UBE2E1: variants seen among roughly 807,000 people sequenced by gnomAD.
UBE2E1 encodes the protein ubiquitin conjugating enzyme E2 E1.
In UBE2E1, 6 loss-of-function variants were observed where a neutral mutation model predicts 21.4. The observed-to-expected ratio is 0.28, with a 90% CI of 0.15 to 0.55. The LOEUF is 0.55. UBE2E1 is among the 20% of genes least tolerant of loss of function. The probability of loss-of-function intolerance (pLI) is 0.93; values close to 1 mark genes in which losing one functional copy is unlikely to be tolerated. For synonymous variants in UBE2E1, 87 were observed against 82.7 expected, an observed-to-expected ratio of 1.05 and a Z score of -0.28; for missense variants, 142 against 236.5, an observed-to-expected ratio of 0.60 and a Z score of 2.62.
At chr3:23,843,346 C>A (rs1336399376) in intron 3 of UBE2E1, among the ~76,000 whole-genome samples, 2 of 152,154 alleles carry the variant, frequency 1.3e-5, no homozygotes, top group Admixed American at 1.3e-4. Context: ...CGGAACTGTG[C>A]ACAATGTTTT....
intron 5 of UBE2E1, 66 bp from the exon 6 acceptor site, chr3:23,890,443 A>G (rs1559497829): frequency 6.7e-7 from 1 of 1,501,168 alleles, no homozygotes; most frequent in Non-Finnish European, 9.1e-7. Flanking sequence ...CCAAGCTGTC[A>G]CTATTCGCTA....
At chr3:23,817,869 A>G (rs138864870) in intron 3 of UBE2E1, among the ~76,000 whole-genome samples, 157 of 152,314 alleles carry the variant, frequency 1.0e-3, no homozygotes, top group South Asian at 2.5e-3. Context: ...TTTAAATTTT[A>G]TTATGTAGAT....
intron 3 of UBE2E1, among the ~76,000 whole-genome samples, chr3:23,827,211 T>G (rs1252959597): frequency 1.3e-5 from 2 of 152,120 alleles, no homozygotes; most frequent in East Asian, 3.8e-4. Context: ...AAATCCTGTA[T>G]TTTATATTTT....
chr3:23,820,941 A>G (rs1043877381), intron 3 of UBE2E1, among the ~76,000 whole-genome samples: 2 of 152,234 alleles, frequency 1.3e-5, no homozygotes, highest in African/African-American at 4.8e-5. Flanking sequence ...TAAATAGAGT[A>G]ACTTGGGATG....
intron 3 of UBE2E1, among the ~76,000 whole-genome samples, chr3:23,831,628 C>T (rs1314481753): frequency 2.6e-5 from 4 of 150,982 alleles, no homozygotes; most frequent in Non-Finnish European, 5.9e-5. Flanking sequence ...GTGATCCCCT[C>T]CCACCTTAGC....
At position 23,808,852 on chromosome 3, in the gene UBE2E1, T is replaced by C. The variant is rs1699329454; in HGVS notation, c.152+1431T>C. The C allele has an allele frequency of 6.6e-6, 1 of 152,250 alleles. No individual in the cohort carries two copies. The highest frequency in any genetic ancestry group is 6.5e-5 in the Admixed American group (1 of 15,288). 9.4% of individuals were successfully genotyped at this position (152,250 alleles called of 1,614,324 possible). The stretch of plus-strand genomic sequence containing the variant: ...AATCCTCTAGGCTCTCTGATCCTCA[T>C]TCACGTTTTGGCCTCACGTGCTCAA... On this transcript the variant is annotated intron_variant, in intron 2 of 5. Coordinates refer to ENST00000306627, the MANE Select transcript of UBE2E1 (RefSeq NM_003341.5). The surrounding 1 kb of genome is among the most constrained non-coding windows in gnomAD (Gnocchi z 4.9).
At chr3:23,839,192 G>A (rs922119644) in intron 3 of UBE2E1, among the ~76,000 whole-genome samples, 5 of 151,928 alleles carry the variant, frequency 3.3e-5, no homozygotes, top group Admixed American at 6.6e-5. Flanking sequence ...AGCCGGGTGC[G>A]GTGGCTCATG....
intron 3 of UBE2E1, among the ~76,000 whole-genome samples, chr3:23,814,421 G>A (rs1259012978): frequency 6.6e-6 from 1 of 152,030 alleles, no homozygotes; most frequent in Non-Finnish European, 1.5e-5. Flanking sequence ...TTTTAAGTAA[G>A]TATTTTCAAA....
chr3:23,817,432 AAAAAAAG>A (rs1261433428), intron 3 of UBE2E1, among the ~76,000 whole-genome samples: 32 of 149,040 alleles, frequency 2.1e-4, no homozygotes, highest in African/African-American at 6.9e-4. Flanking sequence ...AAAAAAAAAA[AAAAAAAG>A]AAAGAAAAGA....
chr3:23,867,949 T>TTCA (rs1427821207), intron 3 of UBE2E1, among the ~76,000 whole-genome samples: 5 of 152,214 alleles, frequency 3.3e-5, no homozygotes, highest in Admixed American at 3.3e-4. Context: ...TAGTCACTGA[T>TTCA]GATTTTCATT....
intron 3 of UBE2E1, among the ~76,000 whole-genome samples, chr3:23,833,421 T>G (rs1699909372): frequency 6.6e-6 from 1 of 152,222 alleles, no homozygotes; most frequent in Non-Finnish European, 1.5e-5. Flanking sequence ...TGAATTAGTT[T>G]TATTATTTTA....
At chr3:23,830,733 G>T (rs894779785) in intron 3 of UBE2E1, among the ~76,000 whole-genome samples, 6 of 152,212 alleles carry the variant, frequency 3.9e-5, no homozygotes, top group African/African-American at 1.4e-4. Context: ...TGTGTATCAT[G>T]TGTACAGTAG....
chr3:23,822,940 G>A (rs1271838513), intron 3 of UBE2E1, among the ~76,000 whole-genome samples: 1 of 148,778 alleles, frequency 6.7e-6, no homozygotes. Context: ...TGTGCCTCCC[G>A]GGTTCTAGCG....
Position 23,876,324 on chromosome 3 carries a change from T to C in UBE2E1, c.204-11243T>C, listed in dbSNP as rs1423579973. ...CGTGTCACTACCCTGTTAGTTTCTT[T>C]AGTAAAGTTTTCTCATTTTTCAAGT... On this transcript the variant is annotated intron_variant, in intron 3 of 5. Transcript: ENST00000306627. This position sits in a 1 kb window ranked among gnomAD's most constrained non-coding sequence, Gnocchi z 4.3. Among the ~76,000 whole-genome samples, 2 of 152,200 alleles carry C rather than the reference T, an allele frequency of 1.3e-5. No homozygotes were observed. Among genetic ancestry groups the C allele is most frequent in the Non-Finnish European group, 1.5e-5 (1 of 68,034 alleles).
At chr3:23,820,828 A>C (rs570047917) in intron 3 of UBE2E1, among the ~76,000 whole-genome samples, 2 of 152,218 alleles carry the variant, frequency 1.3e-5, no homozygotes, top group Non-Finnish European at 2.9e-5. Context: ...TACATTGGCC[A>C]TTTGTATTTA....
At chr3:23,883,847 G>A (rs989065856) in intron 3 of UBE2E1, among the ~76,000 whole-genome samples, 3 of 151,266 alleles carry the variant, frequency 2.0e-5, no homozygotes, top group Non-Finnish European at 4.4e-5. Flanking sequence ...ACCCACGAGG[G>A]GGAGGTTGCA....
intron 2 of UBE2E1, among the ~76,000 whole-genome samples, chr3:23,809,651 A>C (rs945253123): frequency 3.9e-5 from 6 of 152,326 alleles, no homozygotes; most frequent in Middle Eastern, 6.8e-3. Context: ...TATTAAAGAA[A>C]CAACTACCTT....
In UBE2E1 at chr3:23,890,634, T is replaced by G; in HGVS notation, c.*28T>G. Reference sequence around the variant, plus strand: ...TGGGGTTTCACAATTCTTACATTATTTGTCTGTCACAGAAGAGAGCTGCTT... The same window carrying G: ...TGGGGTTTCACAATTCTTACATTATGTGTCTGTCACAGAAGAGAGCTGCTT... On this transcript the variant is annotated 3_prime_UTR_variant, in exon 6 of 6. Transcript: ENST00000306627. 6.2e-7 allele frequency: 1 copy of G among 1,607,484 alleles called. No homozygotes were observed.
chr3:23,839,102 C>T (rs956368857), intron 3 of UBE2E1, among the ~76,000 whole-genome samples: 3 of 152,074 alleles, frequency 2.0e-5, no homozygotes, highest in Non-Finnish European at 4.4e-5. Context: ...ATATTTTATT[C>T]TGCATGTTAT....
Sources: gnomAD v4.1 joint callset for allele counts (sites outside exome capture counted in the v4.1 genomes callset) on GRCh38, gnomAD v4.1.1 for gene constraint, Gnocchi (gnomAD v3.1) non-coding constraint, MANE v1.5 for transcripts, NCBI Gene and HGNC (gene_info 2026-07-23, HGNC 2026-07-21) for gene names.